TMEM217B: variants seen among roughly 807,000 people sequenced by gnomAD.
TMEM217B encodes transmembrane protein 217B, also known as putative transmembrane protein 217B.
chr6:37,250,799 T>C, the TMEM217B span, among the ~76,000 whole-genome samples: 1 of 152,282 alleles, frequency 6.6e-6, no homozygotes, highest in Non-Finnish European at 1.5e-5. Context: ...TCTGATCTTT[T>C]CTATTTCTGT....
At chr6:37,235,805 G>A in the TMEM217B span, among the ~76,000 whole-genome samples, 1 of 152,096 alleles carries the variant, frequency 6.6e-6, no homozygotes, top group East Asian at 1.9e-4. Context: ...GAAGGGCAAG[G>A]GGACCTAAAC....
At chr6:37,228,672 C>A in the TMEM217B span, among the ~76,000 whole-genome samples, 1 of 152,010 alleles carries the variant, frequency 6.6e-6, no homozygotes, top group South Asian at 2.1e-4. Flanking sequence ...CCACTGCACT[C>A]CAGCTTGGGC....
chr6:37,254,131 C>T, the TMEM217B span, among the ~76,000 whole-genome samples: 11 of 152,222 alleles, frequency 7.2e-5, no homozygotes, highest in Admixed American at 7.2e-4. Flanking sequence ...GGATCAGCAG[C>T]ATCAGTGTCA....
the TMEM217B span, among the ~76,000 whole-genome samples, chr6:37,247,803 A>G: frequency 6.6e-6 from 1 of 152,066 alleles, no homozygotes; most frequent in South Asian, 2.1e-4. Flanking sequence ...GTGTTTACCA[A>G]CTCCTGAGAG....
the TMEM217B span, among the ~76,000 whole-genome samples, chr6:37,234,623 C>A: frequency 1.3e-5 from 2 of 152,038 alleles, no homozygotes; most frequent in Non-Finnish European, 2.9e-5. Context: ...GTAGTCCCAG[C>A]TACTCAGGAG....
the TMEM217B span, among the ~76,000 whole-genome samples, chr6:37,253,962 G>C: frequency 6.6e-6 from 1 of 152,168 alleles, no homozygotes; most frequent in Non-Finnish European, 1.5e-5. Context: ...CACATTTTAA[G>C]TTGTTTAACC....
At chr6:37,218,820 G>A in the TMEM217B span, 1 of 1,614,208 alleles carries the variant, frequency 6.2e-7, no homozygotes, top group Non-Finnish European at 8.5e-7. Context: ...ATGAAAGACA[G>A]GAAGAGGACG....
At chr6:37,216,240 G>A in the TMEM217B span, among the ~76,000 whole-genome samples, 7 of 151,908 alleles carry the variant, frequency 4.6e-5, no homozygotes, top group East Asian at 5.8e-4. Context: ...CACTATACCC[G>A]CCTAATTTTG....
chr6:37,253,278 CT>C, the TMEM217B span, among the ~76,000 whole-genome samples: 1 of 152,146 alleles, frequency 6.6e-6, no homozygotes, highest in South Asian at 2.1e-4. Flanking sequence ...TCATTTTCCC[CT>C]GTTTATTATT....
the TMEM217B span, among the ~76,000 whole-genome samples, chr6:37,213,755 C>T: frequency 6.6e-6 from 1 of 152,256 alleles, no homozygotes; most frequent in Non-Finnish European, 1.5e-5. Context: ...GGACCTAAGG[C>T]TGGAGTAGGC....
the TMEM217B span, among the ~76,000 whole-genome samples, chr6:37,236,616 C>T: frequency 6.6e-6 from 1 of 151,994 alleles, no homozygotes; most frequent in Non-Finnish European, 1.5e-5. Context: ...AATTTATTCT[C>T]TCCAAGTCTC....
At chr6:37,252,633 ATATATTT>A in the TMEM217B span, among the ~76,000 whole-genome samples, 9,834 of 72,702 alleles carry the variant, frequency 0.14, 236 homozygotes, top group East Asian at 0.19. Context: ...ATATATATAT[ATATATTT>A]TTTTTTTTTT....
the TMEM217B span, among the ~76,000 whole-genome samples, chr6:37,235,959 C>T: frequency 6.6e-6 from 1 of 152,290 alleles, no homozygotes; most frequent in African/African-American, 2.4e-5. Flanking sequence ...GGGTCAAACA[C>T]ATTCAAACCA....
At chr6:37,238,430 T>G in the TMEM217B span, among the ~76,000 whole-genome samples, 4 of 152,184 alleles carry the variant, frequency 2.6e-5, no homozygotes, top group Admixed American at 2.6e-4. Flanking sequence ...ATTTCCACCT[T>G]CTTTGCTACC....
chr6:37,245,710 G>A, the TMEM217B span, among the ~76,000 whole-genome samples: 2 of 152,108 alleles, frequency 1.3e-5, no homozygotes, highest in East Asian at 3.9e-4. Context: ...GGAGGAGGAG[G>A]AGGAAGAGCA....
chr6:37,217,849 A>G, the TMEM217B span: 4 of 985,460 alleles, frequency 4.1e-6, no homozygotes, highest in Non-Finnish European at 4.8e-6. Flanking sequence ...GGATTGCCCT[A>G]CTGCAATTCA....
At chr6:37,219,154 G>A in the TMEM217B span, 4 of 911,204 alleles carry the variant, frequency 4.4e-6, no homozygotes, top group Non-Finnish European at 4.9e-6. Flanking sequence ...ACAGAAATAC[G>A]AAAACTGGGA....
the TMEM217B span, among the ~76,000 whole-genome samples, chr6:37,247,928 T>A: frequency 5.3e-5 from 8 of 152,132 alleles, 1 homozygote; most frequent in South Asian, 1.5e-3. Context: ...GGGAAGAGCC[T>A]TCAGGCACAT....
chr6:37,247,737 A>G, the TMEM217B span, among the ~76,000 whole-genome samples: 1 of 152,152 alleles, frequency 6.6e-6, no homozygotes, highest in South Asian at 2.1e-4. Context: ...CTGTGAAAAA[A>G]ACTCTGAGAA....
Sources: allele counts gnomAD v4.1 joint callset (sites outside exome capture counted in the v4.1 genomes callset), GRCh38; gene constraint gnomAD v4.1.1; transcripts MANE v1.5; gene names NCBI Gene and HGNC (gene_info 2026-07-23, HGNC 2026-07-21).